MAN1C1: variants seen among roughly 807,000 people sequenced by gnomAD.
MAN1C1 encodes mannosyl-oligosaccharide 1,2-alpha-mannosidase IC.
A neutral mutation model predicts 71.5 loss-of-function variants in MAN1C1; 49 were observed. The observed-to-expected ratio is 0.69, with a 90% CI of 0.54 to 0.87. The LOEUF (loss-of-function observed/expected upper bound fraction) is 0.87, where lower values mean the gene tolerates loss of function less well. Among genes scored for constraint, MAN1C1 ranks in the 40% least tolerant of loss-of-function variants. The pLI, the probability that MAN1C1 is intolerant of heterozygous loss-of-function variation, is 0.00. For synonymous variants in MAN1C1, 352 were observed against 343.7 expected (o/e 1.02, Z -0.27); for missense variants, 743 against 835.0 (o/e 0.89, Z 1.36).
intron 5 of MAN1C1, among the ~76,000 whole-genome samples, 159 bp from the exon 6 acceptor site, chr1:25,758,433 C>T (rs531171748): frequency 6.6e-6 from 1 of 152,318 alleles, no homozygotes; most frequent in South Asian, 2.1e-4. Flanking sequence ...CTCATCAGGA[C>T]ATGGGGCCAG....
intron 1 of MAN1C1, among the ~76,000 whole-genome samples, chr1:25,625,239 A>G (rs1210435794): frequency 1.3e-5 from 2 of 152,112 alleles, no homozygotes; most frequent in Non-Finnish European, 2.9e-5. Context: ...TCCTAACCTC[A>G]GGTGATCCAT....
At position 25,631,834 on chromosome 1, in the gene MAN1C1, G is replaced by A. The variant is rs374278706; in HGVS notation, c.540+13497G>A. Among the ~76,000 whole-genome samples, 23 of 152,214 alleles carry A rather than the reference G, an allele frequency of 1.5e-4. No homozygotes were observed. Among genetic ancestry groups the A allele is most frequent in the African/African-American group, 5.1e-4 (21 of 41,518 alleles). ...TTCAGTAGCTGGAGTGTAGTGGCGCGATCTCAGCTCACTGCAACCTCTGCC... is the reference window on the plus strand; with the variant it reads ...TTCAGTAGCTGGAGTGTAGTGGCGCAATCTCAGCTCACTGCAACCTCTGCC... On this transcript the variant is annotated intron_variant, in intron 1 of 11. Coordinates refer to ENST00000374332, the MANE Select transcript of MAN1C1 (RefSeq NM_020379.4). The surrounding 1 kb of genome is among the most constrained non-coding windows in gnomAD (Gnocchi z 4.2).
intron 1 of MAN1C1, among the ~76,000 whole-genome samples, chr1:25,620,214 C>G (rs2045185795): frequency 6.6e-6 from 1 of 152,160 alleles, no homozygotes; most frequent in African/African-American, 2.4e-5. Context: ...TATAAAATAA[C>G]ATGATGGGAG....
At position 25,778,213 on chromosome 1, in the gene MAN1C1, G is replaced by A. The variant is rs769693980; in HGVS notation, c.1366G>A (p.Gly456Arg). The part of the protein sequence containing the change: ...HKMGHLACFS[G>R]GMIALGAEDA... Reference sequence around the variant, plus strand: ...GATGGGGCACCTGGCCTGTTTCTCCGGGGGCATGATCGCCCTTGGCGCCGA... The same window carrying A: ...GATGGGGCACCTGGCCTGTTTCTCCAGGGGCATGATCGCCCTTGGCGCCGA... Residue 456 changes from glycine to arginine, a missense_variant, in exon 9 of 12, where the codon GGG becomes AGG. By Grantham distance (125) the Gly-to-Arg change is moderately radical. Coordinates refer to ENST00000374332, the MANE Select transcript of MAN1C1 (RefSeq NM_020379.4). This position sits in a 1 kb window ranked among gnomAD's most constrained non-coding sequence, Gnocchi z 5.5. The A allele has an allele frequency of 2.7e-5, 44 of 1,613,786 alleles. No individual in the cohort carries two copies. The highest frequency in any genetic ancestry group is 6.6e-5 in the South Asian group (6 of 91,064).
intron 1 of MAN1C1, among the ~76,000 whole-genome samples, chr1:25,674,660 G>C (rs1336018324): frequency 6.6e-6 from 1 of 152,194 alleles, no homozygotes; most frequent in Non-Finnish European, 1.5e-5. Context: ...TGTGTGCAAA[G>C]GCCCTGTGGC....
chr1:25,618,430 C>A, intron 1 of MAN1C1, 93 bp downstream of exon 1: 1 of 1,255,742 alleles, frequency 8.0e-7, no homozygotes, highest in Non-Finnish European at 1.1e-6. Flanking sequence ...TTGCCTCAGT[C>A]ACTCCTGGTC....
At chr1:25,740,628 G>A (rs962061157) in intron 2 of MAN1C1, among the ~76,000 whole-genome samples, 1 of 152,034 alleles carries the variant, frequency 6.6e-6, no homozygotes, top group Non-Finnish European at 1.5e-5. Context: ...AGTAGAGACG[G>A]GGTTTCACTG....
At chr1:25,767,675 ACT>A (rs1187331926) in intron 7 of MAN1C1, among the ~76,000 whole-genome samples, 15 of 75,748 alleles carry the variant, frequency 2.0e-4, no homozygotes, top group Non-Finnish European at 3.0e-4. Flanking sequence ...ACACAGCCAC[ACT>A]CTCCTTACAT....
At chr1:25,690,866 G>A (rs1352181708) in intron 2 of MAN1C1, among the ~76,000 whole-genome samples, 1 of 152,238 alleles carries the variant, frequency 6.6e-6, no homozygotes, top group East Asian at 1.9e-4. Context: ...AGGTGAATTT[G>A]CAGCTTGAAG....
chr1:25,713,903 C>T (rs1468561637), intron 2 of MAN1C1, among the ~76,000 whole-genome samples: 1 of 152,192 alleles, frequency 6.6e-6, no homozygotes, highest in East Asian at 1.9e-4. Context: ...GTGACTGGAG[C>T]TTCCGAGGGA....
chr1:25,717,734 T>G (rs2046701665), intron 2 of MAN1C1, among the ~76,000 whole-genome samples: 1 of 151,954 alleles, frequency 6.6e-6, no homozygotes, highest in African/African-American at 2.4e-5. Context: ...CTGGCTAGTT[T>G]TGTATTTTTA....
intron 1 of MAN1C1, among the ~76,000 whole-genome samples, chr1:25,646,836 T>G (rs997507936): frequency 6.6e-6 from 1 of 152,248 alleles, no homozygotes. Flanking sequence ...ACATTTGGAT[T>G]GTTTCCACCT....
At chr1:25,729,000 T>C (rs1035568047) in intron 2 of MAN1C1, among the ~76,000 whole-genome samples, 1 of 152,202 alleles carries the variant, frequency 6.6e-6, no homozygotes, top group African/African-American at 2.4e-5. Flanking sequence ...CCAAATGCTG[T>C]TCCAGCCTTC....
At chr1:25,721,427 T>A (rs2046765433) in intron 2 of MAN1C1, among the ~76,000 whole-genome samples, 1 of 152,230 alleles carries the variant, frequency 6.6e-6, no homozygotes. Context: ...ATGAAATGTC[T>A]TTCCATTTAT....
chr1:25,684,548 G>C (rs1001431938), intron 1 of MAN1C1, among the ~76,000 whole-genome samples: 12 of 152,188 alleles, frequency 7.9e-5, no homozygotes, highest in Admixed American at 7.2e-4. Context: ...CTGTGAAATG[G>C]GGCAGTGGTG....
At chr1:25,771,898 A>G in intron 8 of MAN1C1, 126 bp downstream of exon 8, 1 of 685,796 alleles carries the variant, frequency 1.5e-6, no homozygotes, top group Non-Finnish European at 2.6e-6. Flanking sequence ...CCCTGCAATG[A>G]ACCGGTGAGA....
At position 25,705,944 on chromosome 1, in the gene MAN1C1, G is replaced by GATAA. The variant is rs529176544; in HGVS notation, c.637+19425_637+19428dup. Among the ~76,000 whole-genome samples the GATAA allele has an allele frequency of 8.2e-3, 1,247 of 152,252 alleles. 11 individuals carry two copies. The highest frequency in any genetic ancestry group is 0.014 in the Non-Finnish European group (954 of 68,018). ...GGTGACAGAGCAAGACCCTATGTCA[G>GATAA]ATAAATAAATAAATAAATAATCTAT... On this transcript the variant is annotated intron_variant, in intron 2 of 11. Coordinates refer to ENST00000374332, the MANE Select transcript of MAN1C1 (RefSeq NM_020379.4).
Position 25,634,743 on chromosome 1 carries a change from TAGGG to T in MAN1C1, c.540+16410_540+16413del, listed in dbSNP as rs2045432003. On this transcript the variant is annotated intron_variant, in intron 1 of 11. Coordinates refer to ENST00000374332, the MANE Select transcript of MAN1C1 (RefSeq NM_020379.4). This position sits in a 1 kb window ranked among gnomAD's most constrained non-coding sequence, Gnocchi z 4.6. ...GCTGGGGCACGAGAATTGCTTGAAC[TAGGG>T]AGGCGGAGGTTGCAGTAAGTCGAGA... Among the ~76,000 whole-genome samples, 1 of 151,942 alleles carries T rather than the reference TAGGG, an allele frequency of 6.6e-6. No individual in the cohort carries two copies. The highest frequency in any genetic ancestry group is 2.4e-5 in the African/African-American group (1 of 41,354).
At chr1:25,629,552 C>T (rs76223793) in intron 1 of MAN1C1, among the ~76,000 whole-genome samples, 13,655 of 152,042 alleles carry the variant, frequency 0.09, 1,371 homozygotes, top group East Asian at 0.22. Context: ...TCTCCTACCT[C>T]GGGATCACAG....
Sources: gnomAD v4.1 joint callset for allele counts (sites outside exome capture counted in the v4.1 genomes callset) on GRCh38, gnomAD v4.1.1 for gene constraint, Gnocchi (gnomAD v3.1) non-coding constraint, MANE v1.5 for transcripts, NCBI Gene and HGNC (gene_info 2026-07-23, HGNC 2026-07-21) for gene names.